The following FBXW11 variants were observed in gnomAD, a reference collection of about 807,000 sequenced individuals.
FBXW11 encodes F-box and WD repeat domain containing 11, also known as F-box/WD repeat-containing protein 11.
FBXW11 carries 19 observed loss-of-function variants against 77.6 expected under a neutral mutation model. The observed-to-expected ratio is 0.24, with a 90% CI of 0.17 to 0.36. The LOEUF (loss-of-function observed/expected upper bound fraction) is 0.36. Ranked by LOEUF, FBXW11 falls within the 10% of genes least tolerant of loss-of-function variation. The pLI is 1.00. For synonymous variants in FBXW11, 235 were observed against 249.4 expected (o/e 0.94, Z 0.54); for missense variants, 334 against 704.2 (o/e 0.47, Z 5.95).
At chr5:171,924,678 C>T (rs1253104456) in intron 2 of FBXW11, among the ~76,000 whole-genome samples, 2 of 152,106 alleles carry the variant, frequency 1.3e-5, no homozygotes, top group Non-Finnish European at 2.9e-5. Context: ...GAAGCAGCCA[C>T]GGGGCCAGGC....
intron 1 of FBXW11, among the ~76,000 whole-genome samples, chr5:171,981,388 G>A (rs186470978): frequency 5.0e-4 from 76 of 152,322 alleles, no homozygotes; most frequent in Non-Finnish European, 9.6e-4. Flanking sequence ...AGCCTTTACA[G>A]CAAATTACTG....
chr5:171,991,234 C>G (rs1765717417), intron 1 of FBXW11, among the ~76,000 whole-genome samples: 1 of 152,152 alleles, frequency 6.6e-6, no homozygotes, highest in African/African-American at 2.4e-5. Context: ...CATGCTTTCA[C>G]TATCAAAACT....
chr5:171,963,823 G>A (rs143154013), intron 1 of FBXW11, among the ~76,000 whole-genome samples: 3 of 152,250 alleles, frequency 2.0e-5, no homozygotes, highest in East Asian at 3.9e-4. Flanking sequence ...TGCCGCAAAC[G>A]ATAAAAGAAG....
chr5:171,920,925 C>T (rs373575131), intron 2 of FBXW11, among the ~76,000 whole-genome samples: 1 of 151,968 alleles, frequency 6.6e-6, no homozygotes, highest in South Asian at 2.1e-4. Context: ...TATATAAAAC[C>T]AAACAAAACC....
chr5:171,953,905 AC>A, intron 2 of FBXW11, among the ~76,000 whole-genome samples: 1 of 152,134 alleles, frequency 6.6e-6, no homozygotes, highest in East Asian at 1.9e-4. Context: ...GTGGCTCACT[AC>A]ACCTATTAAA....
chr5:171,902,839 T>G (rs1760224020), intron 4 of FBXW11, among the ~76,000 whole-genome samples: 1 of 152,210 alleles, frequency 6.6e-6, no homozygotes. Context: ...GCTAAATATC[T>G]TCACATCTTT....
rs762142618 is a variant in FBXW11 at position 171,868,839 on chromosome 5, G to A, written c.1531-43C>T. ...TCATGAATAAAATGAGATCTTTACA[G>A]CCCCTGATATCTCACAATGAGAAAC... On this transcript the variant is annotated intron_variant, in intron 12 of 13. Coordinates refer to ENST00000517395, the MANE Select transcript of FBXW11 (RefSeq NM_001378974.1). The A allele has an allele frequency of 1.4e-5, 22 of 1,559,632 alleles. No individual in the cohort carries two copies. The East Asian group carries it at 4.3e-4, about 31-fold the overall frequency.
intron 4 of FBXW11, among the ~76,000 whole-genome samples, chr5:171,905,884 AC>A (rs1396016448): frequency 6.6e-5 from 10 of 151,388 alleles, no homozygotes; most frequent in Admixed American, 2.6e-4. Flanking sequence ...TCTCACCACC[AC>A]CCCCTCTTCC....
chr5:171,870,798 G>T lies in FBXW11; in HGVS notation c.1401C>A (p.Val467=). The stretch of plus-strand genomic sequence containing the variant: ...TCTTGTTATCAAACCGGATGCATCG[G>T]ACCAATTCTTCATGTCCCTCTAGGA... The part of the protein sequence containing the change: ...LRVLEGHEEL[V]RCIRFDNKRI... The change falls in exon 11 of 14, where the codon GTC becomes GTA. Residue 467 remains valine (V), a synonymous_variant. Transcript: ENST00000517395. The T allele has an allele frequency of 6.2e-7, 1 of 1,614,016 alleles. No homozygotes were observed. The highest frequency in any genetic ancestry group is 1.7e-5 in the Admixed American group (1 of 60,018).
chr5:171,929,303 G>A (rs1762042504), intron 2 of FBXW11, among the ~76,000 whole-genome samples: 1 of 151,996 alleles, frequency 6.6e-6, no homozygotes, highest in Non-Finnish European at 1.5e-5. Context: ...CCTCAAGGAG[G>A]AGGTTACAGT....
intron 2 of FBXW11, among the ~76,000 whole-genome samples, chr5:171,955,811 C>G (rs1248720194): frequency 6.7e-6 from 1 of 148,814 alleles, no homozygotes; most frequent in East Asian, 1.9e-4. Flanking sequence ...AAGACCCAAT[C>G]AAGGCAAAAA....
Position 171,944,419 on chromosome 5 carries a change from C to CA in FBXW11, c.147+13177dup, listed in dbSNP as rs528372111. On this transcript the variant is annotated intron_variant, in intron 2 of 13. Coordinates refer to ENST00000517395, the MANE Select transcript of FBXW11 (RefSeq NM_001378974.1). ...TGAAACCCCATCTCTACTAAAAATA[C>CA]AAAAAATTAGCCGGACGAGGTGGCG... 1.2e-3 allele frequency among the ~76,000 whole-genome samples: 175 copies of CA among 151,550 alleles called. 2 individuals are homozygous for CA. Among genetic ancestry groups the CA allele is most frequent in the African/African-American group, 4.0e-3 (164 of 41,394 alleles).
chr5:171,963,441 T>C (rs186485574), intron 1 of FBXW11, among the ~76,000 whole-genome samples: 20 of 152,332 alleles, frequency 1.3e-4, no homozygotes, highest in African/African-American at 4.8e-4. Flanking sequence ...AAGGCTTAAT[T>C]AGAGAGACAG....
intron 1 of FBXW11, among the ~76,000 whole-genome samples, chr5:171,994,887 A>C (rs183912961): frequency 4.1e-4 from 62 of 152,204 alleles, no homozygotes; most frequent in African/African-American, 1.5e-3. Context: ...AAAATACAAA[A>C]ATTAGCTGGG....
intron 2 of FBXW11, among the ~76,000 whole-genome samples, chr5:171,948,300 A>T (rs1284956122): frequency 6.6e-6 from 1 of 152,062 alleles, no homozygotes; most frequent in Non-Finnish European, 1.5e-5. Context: ...TATAAAAACA[A>T]AAAGTATAGA....
At chr5:171,923,766 G>C (rs1246389360) in intron 2 of FBXW11, among the ~76,000 whole-genome samples, 1 of 151,326 alleles carries the variant, frequency 6.6e-6, no homozygotes, top group African/African-American at 2.4e-5. Flanking sequence ...CTGAAATAGA[G>C]ATGTTTCTTA....
At chr5:171,894,678 T>C (rs919291127) in intron 6 of FBXW11, among the ~76,000 whole-genome samples, 3 of 137,140 alleles carry the variant, frequency 2.2e-5, no homozygotes, top group Non-Finnish European at 3.1e-5. Context: ...TGAATGCTTA[T>C]AACCCAGGTC....
intron 1 of FBXW11, among the ~76,000 whole-genome samples, chr5:171,989,138 C>T (rs1765602069): frequency 6.6e-6 from 1 of 152,188 alleles, no homozygotes; most frequent in Non-Finnish European, 1.5e-5. Flanking sequence ...AATTGCACCA[C>T]TGCACTCCAG....
At chr5:171,987,091 T>C (rs1428758779) in intron 1 of FBXW11, among the ~76,000 whole-genome samples, 1 of 152,186 alleles carries the variant, frequency 6.6e-6, no homozygotes, top group Admixed American at 6.5e-5. Context: ...TAATGCCTGA[T>C]GTCTAAGGTG....
Sources: gnomAD v4.1 joint callset for allele counts (sites outside exome capture counted in the v4.1 genomes callset) on GRCh38, gnomAD v4.1.1 for gene constraint, MANE v1.5 for transcripts, NCBI Gene and HGNC (gene_info 2026-07-23, HGNC 2026-07-21) for gene names.